The following TNRC6C variants were observed in gnomAD, a reference collection of about 807,000 sequenced individuals.
The protein encoded by TNRC6C is trinucleotide repeat-containing gene 6C protein.
Under a neutral mutation model 153.7 loss-of-function variants are expected in TNRC6C, and 20 were observed. The observed-to-expected ratio is 0.13, with a 90% CI of 0.09 to 0.19. The LOEUF is 0.19. Ranked by LOEUF, TNRC6C falls within the 10% of genes least tolerant of loss-of-function variation. TNRC6C has a pLI of 1.00. For missense variants in TNRC6C, 1,987 were observed against 2,172.0 expected, an observed-to-expected ratio of 0.91 and a Z score of 1.69; for synonymous variants, 811 against 841.4, an observed-to-expected ratio of 0.96 and a Z score of 0.63.
At chr17:77,987,724 A>G (rs902303334) in intron 1 of TNRC6C, among the ~76,000 whole-genome samples, 13 of 152,060 alleles carry the variant, frequency 8.5e-5, no homozygotes, top group African/African-American at 3.1e-4. Flanking sequence ...CCCAGGCTGG[A>G]GTGCAGTGGC....
chr17:78,094,614 A>G (rs1324002522), intron 16 of TNRC6C, among the ~76,000 whole-genome samples: 1 of 151,126 alleles, frequency 6.6e-6, no homozygotes, highest in East Asian at 2.0e-4. Flanking sequence ...AATTTTTTCT[A>G]TTTTTAGTAG....
intron 1 of TNRC6C, among the ~76,000 whole-genome samples, chr17:78,023,899 C>T (rs945827010): frequency 6.6e-6 from 1 of 152,088 alleles, no homozygotes; most frequent in African/African-American, 2.4e-5. Context: ...CACCTATGGT[C>T]AGAAGTTCAA....
chr17:78,086,182 T>C (rs2073278713), intron 11 of TNRC6C, among the ~76,000 whole-genome samples: 1 of 151,654 alleles, frequency 6.6e-6, no homozygotes, highest in Non-Finnish European at 1.5e-5. Flanking sequence ...ATACAAAAAT[T>C]AGCTGGGCGT....
intron 5 of TNRC6C, among the ~76,000 whole-genome samples, chr17:78,068,951 CAAACTT>C (rs1476375140): frequency 6.6e-6 from 1 of 151,976 alleles, no homozygotes; most frequent in Admixed American, 6.5e-5. Flanking sequence ...AAGTAGGTCA[CAAACTT>C]AAATATTAAA....
rs546975543 is a variant in TNRC6C at position 78,054,881 on chromosome 17, A to C, written c.2395+3424A>C. On this transcript the variant is annotated intron_variant, in intron 3 of 19. Coordinates refer to ENST00000301624, the Ensembl canonical transcript of TNRC6C. ...ACACTACCATACACCACTGCAGACT[A>C]CTGTACGCTACCATACACCACTGCG... Among the ~76,000 whole-genome samples the C allele has an allele frequency of 2.6e-3, 400 of 152,068 alleles. 1 individual carries two copies. Among genetic ancestry groups the C allele is most frequent in the African/African-American group, 9.2e-3 (382 of 41,482 alleles).
In TNRC6C at chr17:78,050,171, G is replaced by A. The variant is rs774844463; in HGVS notation, c.1109G>A (p.Ser370Asn). The A allele has an allele frequency of 1.9e-6, 3 of 1,566,318 alleles. No individual in the cohort carries two copies. In the South Asian group the frequency reaches 3.7e-5, roughly 19 times the overall value. ...GGGTGGGAGAGTCCTAGTGTCACCA[G>A]CCAGAACCCTACCGTACAGCCTGGT... The change falls in exon 3 of 20, where the codon AGC becomes AAC. Residue 370 changes from serine to asparagine, a missense_variant. Physicochemically the swap from Ser to Asn is conservative, Grantham distance 46. This residue lies in a region of TNRC6C where 1,052 missense variants were observed against 1,017.0 expected (regional missense o/e 1.03). Transcript: ENST00000301624.
chr17:77,986,600 T>G (rs541606370), intron 1 of TNRC6C, among the ~76,000 whole-genome samples: 1 of 152,150 alleles, frequency 6.6e-6, no homozygotes, highest in South Asian at 2.1e-4. Context: ...GTAAATTTTA[T>G]CTGGAAGGAT....
At chr17:78,069,016 G>A (rs1290771655) in intron 5 of TNRC6C, among the ~76,000 whole-genome samples, 1 of 152,018 alleles carries the variant, frequency 6.6e-6, no homozygotes, top group African/African-American at 2.4e-5. Context: ...ACTCAGAGAG[G>A]CCTAACTATG....
chr17:78,037,838 G>T (rs1021041777), intron 2 of TNRC6C, among the ~76,000 whole-genome samples: 1 of 152,154 alleles, frequency 6.6e-6, no homozygotes, highest in East Asian at 1.9e-4. Flanking sequence ...CTAGAAGAGC[G>T]AATGTACGTG....
In TNRC6C at chr17:78,049,510, G is replaced by C. The variant is rs983853206; in HGVS notation, c.448G>C (p.Ala150Pro). ...CGGGAACCCAACAGGCACTTTAGGT[G>C]CTTGGGGAAACTTGCTGCCACAAGA... The change falls in exon 3 of 20, where the codon GCT (alanine) becomes CCT (proline). Residue 150 changes from alanine to proline, a missense_variant. Transcript: ENST00000301624. This position sits in a 1 kb window ranked among gnomAD's most constrained non-coding sequence, Gnocchi z 4.1. 1 of 1,614,040 alleles carries C rather than the reference G, an allele frequency of 6.2e-7. No homozygotes were observed. Among genetic ancestry groups the C allele is most frequent in the South Asian group, 1.1e-5 (1 of 91,084 alleles).
At chr17:78,017,820 T>C (rs1238512034) in intron 1 of TNRC6C, among the ~76,000 whole-genome samples, 2 of 152,204 alleles carry the variant, frequency 1.3e-5, no homozygotes, top group Admixed American at 6.5e-5. Flanking sequence ...TCCCATGCAC[T>C]GTCTAGGCTG....
chr17:78,049,272 G>A lies in TNRC6C; in HGVS notation c.210G>A (p.Gly70=). ...TGGCTCACTGCTCTGTCAGTGGTGG[G>A]GATGGAAAAATGGACACTATGATTG... The change falls in exon 3 of 20, where the codon GGG becomes GGA. Residue 70 remains glycine, a synonymous_variant. Transcript: ENST00000301624. This position sits in a 1 kb window ranked among gnomAD's most constrained non-coding sequence, Gnocchi z 4.1. 1 of 1,612,624 alleles carries A rather than the reference G, an allele frequency of 6.2e-7. No individual in the cohort carries two copies. The highest frequency in any genetic ancestry group is 8.5e-7 in the Non-Finnish European group (1 of 1,179,032).
chr17:78,086,691 AG>A (rs1202220153), intron 12 of TNRC6C, 105 bp downstream of exon 14: 2 of 1,559,818 alleles, frequency 1.3e-6, no homozygotes, highest in African/African-American at 2.7e-5. Context: ...TCTCTAGCCA[AG>A]CCTTCCTTTG....
chr17:78,076,881 G>A (rs1242844162), intron 8 of TNRC6C, among the ~76,000 whole-genome samples: 1 of 152,218 alleles, frequency 6.6e-6, no homozygotes. Context: ...GAAAATGGTT[G>A]TAAAGTGCTT....
Position 78,075,575 on chromosome 17 carries a change from C to T in TNRC6C, c.3060+297C>T, listed in dbSNP as rs1418580462. 2.0e-5 allele frequency among the ~76,000 whole-genome samples: 3 copies of T among 152,164 alleles called. No individual in the cohort carries two copies. Among genetic ancestry groups the T allele is most frequent in the African/African-American group, 7.2e-5 (3 of 41,426 alleles). ...CAATGGGCAAGGGTCATCAAATTTC[C>T]ATTTTACTATCTCATTTTAAAAACA... On this transcript the variant is annotated intron_variant, in intron 8 of 19. Coordinates refer to ENST00000301624, the Ensembl canonical transcript of TNRC6C. This position sits in a 1 kb window ranked among gnomAD's most constrained non-coding sequence, Gnocchi z 4.2.
At chr17:78,084,094 G>A (rs2073231014) in intron 11 of TNRC6C, among the ~76,000 whole-genome samples, 1 of 152,022 alleles carries the variant, frequency 6.6e-6, no homozygotes, top group Non-Finnish European at 1.5e-5. Flanking sequence ...GATTAGTCTG[G>A]CCAACATGGT....
chr17:77,964,145 A>G (rs918464240), intron 1 of TNRC6C, among the ~76,000 whole-genome samples: 5 of 152,188 alleles, frequency 3.3e-5, no homozygotes, highest in Non-Finnish European at 1.5e-5. Flanking sequence ...TGGCATAACA[A>G]ATTTTTAATT....
chr17:77,982,226 G>A (rs989420461), intron 1 of TNRC6C, among the ~76,000 whole-genome samples: 12 of 152,062 alleles, frequency 7.9e-5, no homozygotes, highest in African/African-American at 2.7e-4. Context: ...TGAGCCACCC[G>A]GTCTATGGTA....
In TNRC6C at chr17:78,093,604, T is replaced by C. The variant is rs1438792314; in HGVS notation, c.4163-16T>C. ...GTGTTCTGATCTGTGGCTTCTCATT[T>C]TGGTTTCTTAAACAGAATTCCATCC... On this transcript the variant is annotated splice_polypyrimidine_tract_variant and intron_variant, in intron 15 of 19. Transcript: ENST00000301624. 6.2e-7 allele frequency: 1 copy of C among 1,613,684 alleles called. No homozygotes were observed. The highest frequency in any genetic ancestry group is 1.3e-5 in the African/African-American group (1 of 75,058).
Sources: allele counts gnomAD v4.1 joint callset (sites outside exome capture counted in the v4.1 genomes callset), GRCh38; gene constraint gnomAD v4.1.1; regional missense constraint gnomAD v4.1.1; non-coding constraint Gnocchi (gnomAD v3.1); transcripts MANE v1.5; gene names NCBI Gene and HGNC (gene_info 2026-07-23, HGNC 2026-07-21).